ZSWIM5: variants seen among roughly 807,000 people sequenced by gnomAD.
ZSWIM5 encodes zinc finger SWIM-type containing 5, also known as zinc finger SWIM domain-containing protein 5.
Under a neutral mutation model 119.6 loss-of-function variants are expected in ZSWIM5, and 55 were observed. The ratio of observed to expected loss-of-function variants is 0.46; its 90% CI spans 0.37 to 0.58. The LOEUF (loss-of-function observed/expected upper bound fraction) is 0.58, where lower values mean the gene tolerates loss of function less well. Among genes scored for constraint, ZSWIM5 ranks in the 20% least tolerant of loss-of-function variants. The pLI is 0.00. For missense variants in ZSWIM5, 1,193 were observed against 1,512.8 expected, an observed-to-expected ratio of 0.79 and a Z score of 3.51; for synonymous variants, 537 against 606.9, an observed-to-expected ratio of 0.88 and a Z score of 1.69.
intron 1 of ZSWIM5, among the ~76,000 whole-genome samples, chr1:45,122,481 A>G (rs1321170215): frequency 6.6e-6 from 1 of 152,194 alleles, no homozygotes; most frequent in African/African-American, 2.4e-5. Flanking sequence ...CCATGAATAC[A>G]TCCAACAAAC....
At chr1:45,153,288 G>A (rs894195836) in intron 1 of ZSWIM5, among the ~76,000 whole-genome samples, 3 of 151,766 alleles carry the variant, frequency 2.0e-5, no homozygotes, top group Non-Finnish European at 4.4e-5. Flanking sequence ...TTGGGAGGCC[G>A]AGGTGGGCAG....
intron 12 of ZSWIM5, 127 bp downstream of exon 12, chr1:45,020,498 A>T: frequency 8.7e-7 from 1 of 1,153,750 alleles, no homozygotes; most frequent in Non-Finnish European, 1.2e-6. Flanking sequence ...CTAGCCTAGA[A>T]CTTGTGTTCT....
In ZSWIM5 at chr1:45,060,250, A is replaced by T. The variant is rs746536040; in HGVS notation, c.953-3T>A. On this transcript the variant is annotated splice_polypyrimidine_tract_variant and splice_region_variant and intron_variant, in intron 2 of 13. Coordinates refer to ENST00000359600, the MANE Select transcript of ZSWIM5 (RefSeq NM_020883.2). Reference sequence around the variant, plus strand: ...CCCAGCTGTGGGGTCAGGGGCACCTATGAAGAATGAGAACAGTGAAATGAA... The same window carrying T: ...CCCAGCTGTGGGGTCAGGGGCACCTTTGAAGAATGAGAACAGTGAAATGAA... 1 of 1,613,358 alleles carries T rather than the reference A, an allele frequency of 6.2e-7. No individual in the cohort carries two copies. The highest frequency in any genetic ancestry group is 8.5e-7 in the Non-Finnish European group (1 of 1,179,852).
At chr1:45,193,146 T>G (rs1272987746) in intron 1 of ZSWIM5, among the ~76,000 whole-genome samples, 2 of 152,154 alleles carry the variant, frequency 1.3e-5, no homozygotes, top group African/African-American at 4.8e-5. Context: ...TATTTGGAAG[T>G]GCTTCAGAGT....
intron 11 of ZSWIM5, among the ~76,000 whole-genome samples, chr1:45,024,141 A>T (rs1221766689): frequency 6.9e-6 from 1 of 145,830 alleles, no homozygotes; most frequent in Non-Finnish European, 1.5e-5. Context: ...TTTTTCTCCC[A>T]GTCTCTGCTT....
At chr1:45,123,106 T>C (rs1247476490) in intron 1 of ZSWIM5, among the ~76,000 whole-genome samples, 1 of 152,142 alleles carries the variant, frequency 6.6e-6, no homozygotes, top group African/African-American at 2.4e-5. Context: ...ATGAGGCTGC[T>C]CCCTTCCTAC....
At chr1:45,137,093 T>C (rs1645694701) in intron 1 of ZSWIM5, among the ~76,000 whole-genome samples, 1 of 152,178 alleles carries the variant, frequency 6.6e-6, no homozygotes. Flanking sequence ...TTTTTTTATT[T>C]TTTAGACACA....
At chr1:45,149,573 A>C (rs1645783485) in intron 1 of ZSWIM5, among the ~76,000 whole-genome samples, 2 of 152,238 alleles carry the variant, frequency 1.3e-5, no homozygotes, top group African/African-American at 4.8e-5. Context: ...AACAAAATAC[A>C]TTAAGGTAAC....
chr1:45,063,763 C>T (rs1280842435), intron 2 of ZSWIM5, among the ~76,000 whole-genome samples: 1 of 152,020 alleles, frequency 6.6e-6, no homozygotes, highest in Non-Finnish European at 1.5e-5. Flanking sequence ...GAGGCTGAGG[C>T]GGGCGGATCA....
chr1:45,119,485 A>C (rs1645578348), intron 1 of ZSWIM5, among the ~76,000 whole-genome samples: 1 of 152,254 alleles, frequency 6.6e-6, no homozygotes, highest in Non-Finnish European at 1.5e-5. Flanking sequence ...AAGATACCTA[A>C]GATGACTATG....
At chr1:45,068,415 T>C (rs1183787202) in intron 2 of ZSWIM5, among the ~76,000 whole-genome samples, 1 of 151,610 alleles carries the variant, frequency 6.6e-6, no homozygotes, top group Non-Finnish European at 1.5e-5. Flanking sequence ...TGATAAGTGG[T>C]AATTTAAAAA....
chr1:45,038,807 G>T, intron 8 of ZSWIM5, 129 bp downstream of exon 8: 1 of 1,093,318 alleles, frequency 9.1e-7, no homozygotes, highest in Non-Finnish European at 1.3e-6. Flanking sequence ...TGTTGCCCAG[G>T]CTGGTCTTGA....
Position 45,018,163 on chromosome 1 carries a change from G to T in ZSWIM5, c.*291C>A, listed in dbSNP as rs536667826. 1.1e-5 allele frequency: 5 copies of T among 449,412 alleles called. No individual in the cohort carries two copies. Among genetic ancestry groups the T allele is most frequent in the Admixed American group, 7.6e-5 (2 of 26,408 alleles). 27.8% of individuals were successfully genotyped at this position (449,412 alleles called of 1,614,324 possible). On this transcript the variant is annotated 3_prime_UTR_variant, in exon 14 of 14. Transcript: ENST00000359600. The surrounding 1 kb of genome is among the most constrained non-coding windows in gnomAD (Gnocchi z 6.7). ...TTCTGTGTTTGCCAAGGGAGACAGGGCCAATGCTCAGGACACGCAGGATAT... is the reference window on the plus strand; with the variant it reads ...TTCTGTGTTTGCCAAGGGAGACAGGTCCAATGCTCAGGACACGCAGGATAT...
chr1:45,163,590 G>C (rs1274637586), intron 1 of ZSWIM5, among the ~76,000 whole-genome samples: 2 of 152,140 alleles, frequency 1.3e-5, no homozygotes, highest in African/African-American at 4.8e-5. Flanking sequence ...AAGATTGGAC[G>C]AATTGCTAAC....
At position 45,185,831 on chromosome 1, in the gene ZSWIM5, A is replaced by C. The variant is rs551083786; in HGVS notation, c.595+19925T>G. 3.9e-5 allele frequency among the ~76,000 whole-genome samples: 6 copies of C among 152,340 alleles called. No homozygotes were observed. The South Asian group carries it at 1.2e-3, about 32-fold the overall frequency. On this transcript the variant is annotated intron_variant, in intron 1 of 13. Transcript: ENST00000359600. The stretch of plus-strand genomic sequence containing the variant: ...CTGTAAACTAGTTCAACCATTGTGG[A>C]AGACAGTGCGGCAATTCCTCAGGGA...
rs560345875 is a variant in ZSWIM5 at position 45,134,220 on chromosome 1, A to G, written c.596-45983T>C. ...CTTGGGCAGTATGGCCATTTTCACGATACTGATTCTTCCTATCCATGAGCA... is the reference window on the plus strand; with the variant it reads ...CTTGGGCAGTATGGCCATTTTCACGGTACTGATTCTTCCTATCCATGAGCA... On this transcript the variant is annotated intron_variant, in intron 1 of 13. Transcript: ENST00000359600. Among the ~76,000 whole-genome samples the G allele has an allele frequency of 4.6e-5, 7 of 152,274 alleles. No homozygotes were observed. In the East Asian group the frequency reaches 1.3e-3, roughly 29 times the overall value.
At chr1:45,144,527 C>A (rs1216507985) in intron 1 of ZSWIM5, among the ~76,000 whole-genome samples, 1 of 152,044 alleles carries the variant, frequency 6.6e-6, no homozygotes, top group Non-Finnish European at 1.5e-5. Context: ...CAGCGTGAGA[C>A]CCTGTCTCCA....
intron 1 of ZSWIM5, among the ~76,000 whole-genome samples, chr1:45,096,048 T>C (rs946099701): frequency 9.9e-5 from 15 of 152,222 alleles, no homozygotes; most frequent in Non-Finnish European, 2.2e-4. Flanking sequence ...TTTGTGATAC[T>C]CCTTCATTCA....
chr1:45,095,279 T>C lies in ZSWIM5; in HGVS notation c.596-7042A>G, dbSNP rs143707393. On this transcript the variant is annotated intron_variant, in intron 1 of 13. Coordinates refer to ENST00000359600, the MANE Select transcript of ZSWIM5 (RefSeq NM_020883.2). ...AAAAGTTGGAACTACAGGCATGTGC[T>C]ACCATCTCTAATTTTTTTTTATTTT... 1.2e-4 allele frequency among the ~76,000 whole-genome samples: 18 copies of C among 152,056 alleles called. No individual in the cohort carries two copies. In the East Asian group the frequency reaches 3.1e-3, roughly 26 times the overall value.
Sources: gnomAD v4.1 joint callset for allele counts (sites outside exome capture counted in the v4.1 genomes callset) on GRCh38, gnomAD v4.1.1 for gene constraint, Gnocchi (gnomAD v3.1) non-coding constraint, MANE v1.5 for transcripts, NCBI Gene and HGNC (gene_info 2026-07-23, HGNC 2026-07-21) for gene names.